Variants in TGFA observed in about 807,000 individuals in gnomAD.
The protein encoded by TGFA is transforming growth factor alpha, also known as protransforming growth factor alpha.
Under a neutral mutation model 21.7 loss-of-function variants are expected in TGFA, and 12 were observed. That is an observed-to-expected ratio of 0.55 (90% confidence interval 0.35 to 0.90). The LOEUF (loss-of-function observed/expected upper bound fraction) is 0.90, where lower values mean the gene tolerates loss of function less well. Among genes scored for constraint, TGFA ranks in the 40% least tolerant of loss-of-function variants. The pLI is 0.01. For missense variants in TGFA, 178 were observed against 210.8 expected (o/e 0.84, Z 0.96); for synonymous variants, 79 against 88.1 (o/e 0.90, Z 0.58).
chr2:70,486,722 A>C (rs1331440204), intron 2 of TGFA, among the ~76,000 whole-genome samples: 2 of 151,772 alleles, frequency 1.3e-5, no homozygotes, highest in Non-Finnish European at 2.9e-5. Flanking sequence ...ATGGCCCCCT[A>C]AAGTGCTGGA....
intron 1 of TGFA, among the ~76,000 whole-genome samples, chr2:70,532,108 G>C (rs1483858217): frequency 2.6e-5 from 4 of 152,140 alleles, no homozygotes; most frequent in African/African-American, 9.7e-5. Context: ...TAAAGCAAAT[G>C]GTTTTTATAT....
Position 70,476,092 on chromosome 2 carries a change from A to AAAAT in TGFA, c.95-10357_95-10356insATTT, listed in dbSNP as rs1559109162. Reference sequence around the variant, plus strand: ...TAGTAATTTTAAGCAAAAAAAAAAAAAAAAAAAAAAAAAAATTAAGAAAAT... The same window carrying AAAAT: ...TAGTAATTTTAAGCAAAAAAAAAAAAAAATAAAAAAAAAAAAAAATTAAGAAAAT... On this transcript the variant is annotated intron_variant, in intron 2 of 5. Coordinates refer to ENST00000295400, the MANE Select transcript of TGFA (RefSeq NM_003236.4). Among the ~76,000 whole-genome samples, 1,085 of 149,894 alleles carry AAAAT rather than the reference A, an allele frequency of 7.2e-3. 38 individuals carry two copies. The highest frequency in any genetic ancestry group is 0.025 in the African/African-American group (1,003 of 40,314).
chr2:70,486,838 C>G (rs1671285059), intron 2 of TGFA, among the ~76,000 whole-genome samples: 1 of 152,116 alleles, frequency 6.6e-6, no homozygotes, highest in Non-Finnish European at 1.5e-5. Context: ...TCTCGGCTCA[C>G]TGCAAGCTCC....
chr2:70,523,270 T>C (rs1553502556), intron 1 of TGFA, among the ~76,000 whole-genome samples: 1 of 152,196 alleles, frequency 6.6e-6, no homozygotes, highest in Non-Finnish European at 1.5e-5. Flanking sequence ...CAAAGAGGCC[T>C]GGCCATATCC....
At chr2:70,537,765 C>G (rs1418470669) in intron 1 of TGFA, among the ~76,000 whole-genome samples, 6 of 152,244 alleles carry the variant, frequency 3.9e-5, no homozygotes, top group Non-Finnish European at 7.3e-5. Flanking sequence ...CATAACATGA[C>G]AGTGCACAGC....
At chr2:70,482,172 C>T (rs1329354722) in intron 2 of TGFA, among the ~76,000 whole-genome samples, 1 of 151,568 alleles carries the variant, frequency 6.6e-6, no homozygotes, top group Admixed American at 6.6e-5. Flanking sequence ...GGGACAACAA[C>T]AACAACAAAA....
At chr2:70,541,790 A>C (rs438242) in intron 1 of TGFA, among the ~76,000 whole-genome samples, 88,033 of 151,912 alleles carry the variant, frequency 0.58, 25,650 homozygotes, top group African/African-American at 0.62. Context: ...TCACATTCCT[A>C]AAAACTGCTC....
At position 70,521,617 on chromosome 2, in the gene TGFA, G is replaced by GTTTTTTTTTTTTT. The variant is rs35177436; in HGVS notation, c.41-6718_41-6706dup. On this transcript the variant is annotated intron_variant, in intron 1 of 5. Coordinates refer to ENST00000295400, the MANE Select transcript of TGFA (RefSeq NM_003236.4). ...TAGTTTTTTTTGTTGTTGTTTGTTTGTTTTTTTTTTTTTTTTTTTTTGAGT... is the reference window on the plus strand; with the variant it reads ...TAGTTTTTTTTGTTGTTGTTTGTTTGTTTTTTTTTTTTTTTTTTTTTTTTTTTTTTTTTTGAGT... Among the ~76,000 whole-genome samples the GTTTTTTTTTTTTT allele has an allele frequency of 1.3e-3, 111 of 87,068 alleles. 1 individual carries two copies. Among genetic ancestry groups the GTTTTTTTTTTTTT allele is most frequent in the South Asian group, 2.9e-3 (6 of 2,050 alleles). 57.1% of individuals were successfully genotyped at this position (87,068 alleles called of 152,430 possible).
chr2:70,462,092 T>C (rs529907610), intron 3 of TGFA, among the ~76,000 whole-genome samples: 3 of 152,068 alleles, frequency 2.0e-5, no homozygotes, highest in Admixed American at 6.5e-5. Flanking sequence ...GAGGCCATGA[T>C]AGATGGGGCC....
chr2:70,507,134 T>G (rs1309110395), intron 2 of TGFA, among the ~76,000 whole-genome samples: 1 of 152,198 alleles, frequency 6.6e-6, no homozygotes, highest in Non-Finnish European at 1.5e-5. Context: ...CGCCACTGTT[T>G]CCCCATGCTC....
At position 70,503,579 on chromosome 2, in the gene TGFA, T is replaced by TAA. The variant is rs372379367; in HGVS notation, c.94+11278_94+11279dup. On this transcript the variant is annotated intron_variant, in intron 2 of 5. Coordinates refer to ENST00000295400, the MANE Select transcript of TGFA (RefSeq NM_003236.4). ...CCTAAAACCTAAAGTATAATAATAA[T>TAA]AATAAAAAAAAAAAAAGAAACTTGC... is the stretch of plus-strand genomic sequence containing the variant. 1.6e-3 allele frequency among the ~76,000 whole-genome samples: 216 copies of TAA among 134,470 alleles called. 2 individuals carry two copies. The South Asian group carries it at 0.022, about 14-fold the overall frequency. The allele number at this position is 134,470 out of a possible 152,430, so 88.2% of individuals were successfully genotyped here.
intron 3 of TGFA, among the ~76,000 whole-genome samples, chr2:70,461,881 C>A (rs1277232636): frequency 6.6e-6 from 1 of 152,126 alleles, no homozygotes; most frequent in Non-Finnish European, 1.5e-5. Flanking sequence ...TAGTTTTCAC[C>A]ACCTTTGGCA....
At chr2:70,527,176 C>G (rs1308020118) in intron 1 of TGFA, among the ~76,000 whole-genome samples, 2 of 152,220 alleles carry the variant, frequency 1.3e-5, no homozygotes, top group East Asian at 3.8e-4. Context: ...TTAATCATAA[C>G]TGTGAAAACT....
intron 4 of TGFA, among the ~76,000 whole-genome samples, chr2:70,454,981 A>G (rs900684210): frequency 6.6e-6 from 1 of 152,184 alleles, no homozygotes; most frequent in African/African-American, 2.4e-5. Flanking sequence ...CAGCACACAC[A>G]GCTACTGGCC....
chr2:70,535,993 C>T (rs11466201), intron 1 of TGFA, among the ~76,000 whole-genome samples: 200 of 152,270 alleles, frequency 1.3e-3, no homozygotes, highest in African/African-American at 4.7e-3. Flanking sequence ...TTTTTTCTCT[C>T]TCTCCACAAT....
intron 1 of TGFA, chr2:70,553,040 C>T (rs541651082): frequency 5.8e-5 from 53 of 908,608 alleles, no homozygotes; most frequent in Non-Finnish European, 8.1e-5. Flanking sequence ...TCCCATCCCT[C>T]CTTCATTTCC....
intron 1 of TGFA, among the ~76,000 whole-genome samples, chr2:70,524,318 C>A (rs1292368511): frequency 6.6e-6 from 1 of 152,218 alleles, no homozygotes; most frequent in Non-Finnish European, 1.5e-5. Flanking sequence ...CAGATCTATG[C>A]CACACCCTTT....
intron 2 of TGFA, among the ~76,000 whole-genome samples, chr2:70,474,902 G>T (rs1670874316): frequency 6.6e-6 from 1 of 151,910 alleles, no homozygotes; most frequent in Non-Finnish European, 1.5e-5. Context: ...CAAAGATATT[G>T]GTAAAGAAAC....
At chr2:70,544,205 A>G (rs1673222914) in intron 1 of TGFA, among the ~76,000 whole-genome samples, 1 of 152,068 alleles carries the variant, frequency 6.6e-6, no homozygotes, top group Non-Finnish European at 1.5e-5. Context: ...ATTACCCGTA[A>G]AGCCATGAAA....
Sources: gnomAD v4.1 joint callset for allele counts (sites outside exome capture counted in the v4.1 genomes callset) on GRCh38, gnomAD v4.1.1 for gene constraint, MANE v1.5 for transcripts, NCBI Gene and HGNC (gene_info 2026-07-23, HGNC 2026-07-21) for gene names.